The following SORBS2 variants were observed in gnomAD, a reference collection of about 807,000 sequenced individuals.
The protein encoded by SORBS2 is sorbin and SH3 domain-containing protein 2.
A neutral mutation model predicts 97.7 loss-of-function variants in SORBS2; 46 were observed. The observed-to-expected ratio is 0.47, with a 90% CI of 0.37 to 0.60. The LOEUF (loss-of-function observed/expected upper bound fraction) is 0.60, where lower values mean the gene tolerates loss of function less well. SORBS2 is among the 20% of genes least tolerant of loss of function. The pLI, the probability that SORBS2 is intolerant of heterozygous loss-of-function variation, is 0.00. For missense variants in SORBS2, 1,316 were observed against 1,282.3 expected (o/e 1.03, Z -0.40); for synonymous variants, 476 against 473.4 (o/e 1.01, Z -0.07).
intron 4 of SORBS2, among the ~76,000 whole-genome samples, chr4:185,670,703 C>A (rs2097700034): frequency 6.6e-6 from 1 of 151,186 alleles, no homozygotes; most frequent in African/African-American, 2.4e-5. Flanking sequence ...TTTAAAAAAA[C>A]CAATCTTTAC....
Position 185,684,567 on chromosome 4 carries a change from G to T in SORBS2, c.-197-5745C>A, listed in dbSNP as rs369698554. Among the ~76,000 whole-genome samples, 1 of 151,610 alleles carries T rather than the reference G, an allele frequency of 6.6e-6. No homozygotes were observed. The highest frequency in any genetic ancestry group is 1.5e-5 in the Non-Finnish European group (1 of 67,956). On this transcript the variant is annotated intron_variant, in intron 2 of 20. Coordinates refer to the SORBS2 transcript ENST00000284776. This position sits in a 1 kb window ranked among gnomAD's most constrained non-coding sequence, Gnocchi z 4.2. Reference sequence around the variant, plus strand: ...CTTAAGTTCATGAGATAACAAAAACGTGAATAGTTATTAACACTCGCAGTT... The same window carrying T: ...CTTAAGTTCATGAGATAACAAAAACTTGAATAGTTATTAACACTCGCAGTT...
intron 1 of SORBS2, among the ~76,000 whole-genome samples, chr4:185,926,671 G>A (rs1188066826): frequency 1.3e-5 from 2 of 151,610 alleles, no homozygotes; most frequent in Admixed American, 6.6e-5. Context: ...TTTAAATATT[G>A]TTCTGATAAA....
chr4:185,867,974 G>A (rs1237343770), intron 1 of SORBS2, among the ~76,000 whole-genome samples: 1 of 151,954 alleles, frequency 6.6e-6, no homozygotes, highest in Non-Finnish European at 1.5e-5. Context: ...CCCTCTTGAG[G>A]CCTTTAAAGG....
At chr4:185,925,704 G>C (rs1376693416) in intron 1 of SORBS2, among the ~76,000 whole-genome samples, 1 of 152,154 alleles carries the variant, frequency 6.6e-6, no homozygotes, top group Non-Finnish European at 1.5e-5. Flanking sequence ...CGGTAGGCAT[G>C]GGGGAGGTGG....
chr4:185,793,198 A>C (rs2099089284), intron 1 of SORBS2, among the ~76,000 whole-genome samples: 1 of 152,258 alleles, frequency 6.6e-6, no homozygotes, highest in South Asian at 2.1e-4. Context: ...TTAAGCAGGT[A>C]AATCCAAATT....
chr4:185,949,541 A>C (rs1304423777), intron 1 of SORBS2, among the ~76,000 whole-genome samples: 1 of 152,028 alleles, frequency 6.6e-6, no homozygotes, highest in Non-Finnish European at 1.5e-5. Flanking sequence ...ACTTTGGAAG[A>C]GATTAGACTA....
At chr4:185,696,613 C>T (rs572737681) in intron 2 of SORBS2, among the ~76,000 whole-genome samples, 6 of 152,106 alleles carry the variant, frequency 3.9e-5, no homozygotes, top group South Asian at 2.1e-4. Context: ...ACCACCATGC[C>T]GTATTTTTAG....
intron 1 of SORBS2, among the ~76,000 whole-genome samples, chr4:185,838,727 A>G (rs868292262): frequency 6.6e-6 from 1 of 152,156 alleles, no homozygotes; most frequent in African/African-American, 2.4e-5. Context: ...CAGTATTAGC[A>G]TGTAAGCTTT....
intron 1 of SORBS2, among the ~76,000 whole-genome samples, chr4:185,852,978 A>G (rs952977076): frequency 6.6e-6 from 1 of 152,174 alleles, no homozygotes; most frequent in African/African-American, 2.4e-5. Flanking sequence ...TGAGGAAATC[A>G]TGAAGGTCAC....
At chr4:185,681,463 C>T (rs2097865402) in intron 2 of SORBS2, among the ~76,000 whole-genome samples, 1 of 151,478 alleles carries the variant, frequency 6.6e-6, no homozygotes, top group African/African-American at 2.4e-5. Flanking sequence ...AATGGATTTC[C>T]CCAGATCTGC....
chr4:185,741,351 G>A (rs1175909578), intron 2 of SORBS2, among the ~76,000 whole-genome samples: 1 of 151,604 alleles, frequency 6.6e-6, no homozygotes, highest in East Asian at 1.9e-4. Context: ...ACAGAGGTCA[G>A]GCCCAAGAGC....
At chr4:185,603,947 G>C (rs1012062738) in intron 12 of SORBS2, among the ~76,000 whole-genome samples, 1 of 152,144 alleles carries the variant, frequency 6.6e-6, no homozygotes, top group Non-Finnish European at 1.5e-5. Context: ...CAATGCCAAA[G>C]ATCATCCTGT....
chr4:185,746,819 C>T (rs2098764066), intron 2 of SORBS2, among the ~76,000 whole-genome samples: 1 of 152,170 alleles, frequency 6.6e-6, no homozygotes, highest in Non-Finnish European at 1.5e-5. Flanking sequence ...GATTTTCCAC[C>T]AAATTTGTTG....
At chr4:185,788,066 G>T (rs1561030777) in intron 1 of SORBS2, among the ~76,000 whole-genome samples, 1 of 152,226 alleles carries the variant, frequency 6.6e-6, no homozygotes, top group Non-Finnish European at 1.5e-5. Context: ...GCTTTCCACG[G>T]GGCCTGCCGG....
chr4:185,598,308 T>G lies in SORBS2; in HGVS notation c.2797-4373A>C, dbSNP rs542644155. Among the ~76,000 whole-genome samples, 73 of 152,322 alleles carry G rather than the reference T, an allele frequency of 4.8e-4. No individual in the cohort carries two copies. In the South Asian group the frequency reaches 6.8e-3, roughly 14 times the overall value. On this transcript the variant is annotated intron_variant, in intron 12 of 14. Transcript: ENST00000418609. Reference sequence around the variant, plus strand: ...GTATTTTTTTCTGTAGCCCTGACTATGTAAGTATTTTTCTGTAGCTATTTT... The same window carrying G: ...GTATTTTTTTCTGTAGCCCTGACTAGGTAAGTATTTTTCTGTAGCTATTTT...
In SORBS2 at chr4:185,705,461, G is replaced by A. The variant is rs377278893; in HGVS notation, c.-197-26639C>T. 2.9e-4 allele frequency among the ~76,000 whole-genome samples: 44 copies of A among 152,124 alleles called. 1 individual carries two copies. The highest frequency in any genetic ancestry group is 9.9e-4 in the African/African-American group (41 of 41,494). On this transcript the variant is annotated intron_variant, in intron 2 of 20. Coordinates refer to the SORBS2 transcript ENST00000284776. ...CTTGGGAGGCTGAGGCAGGAGAATC[G>A]CTTGAACCGAGAAAGTGGAAGTTGC... is the stretch of plus-strand genomic sequence containing the variant.
intron 2 of SORBS2, among the ~76,000 whole-genome samples, chr4:185,700,790 C>T (rs1038037411): frequency 2.6e-5 from 4 of 152,094 alleles, no homozygotes; most frequent in Admixed American, 1.3e-4. Flanking sequence ...AGCAAAATGC[C>T]AACTCAGATG....
intron 1 of SORBS2, among the ~76,000 whole-genome samples, chr4:185,864,911 C>CCAAAA (rs1554043343): frequency 7.1e-6 from 1 of 140,788 alleles, no homozygotes. Context: ...GACTCTGTCT[C>CCAAAA]AAAAAAAAAA....
chr4:185,715,904 A>G (rs1190333726), intron 2 of SORBS2, among the ~76,000 whole-genome samples: 1 of 152,246 alleles, frequency 6.6e-6, no homozygotes, highest in Non-Finnish European at 1.5e-5. Context: ...AAGGAAGGCT[A>G]TTCTTAACAG....
Sources: allele counts gnomAD v4.1 joint callset (sites outside exome capture counted in the v4.1 genomes callset), GRCh38; gene constraint gnomAD v4.1.1; non-coding constraint Gnocchi (gnomAD v3.1); transcripts MANE v1.5; gene names NCBI Gene and HGNC (gene_info 2026-07-23, HGNC 2026-07-21).